PTPRD: variants seen among roughly 807,000 people sequenced by gnomAD.
The protein encoded by PTPRD is receptor-type tyrosine-protein phosphatase delta.
In PTPRD, 34 loss-of-function variants were observed where a neutral mutation model predicts 214.5. The ratio of observed to expected loss-of-function variants is 0.16; its 90% CI spans 0.12 to 0.21. The LOEUF (loss-of-function observed/expected upper bound fraction) is 0.21. Among genes scored for constraint, PTPRD ranks in the 10% least tolerant of loss-of-function variants. The pLI is 1.00. For synonymous variants in PTPRD, 1,128 were observed against 845.7 expected (o/e 1.33, Z -5.79); for missense variants, 2,545 against 2,398.7 (o/e 1.06, Z -1.27).
chr9:10,081,382 A>G lies in PTPRD; in HGVS notation c.-544-47592T>C, dbSNP rs562237471. Among the ~76,000 whole-genome samples, 6 of 152,120 alleles carry G rather than the reference A, an allele frequency of 3.9e-5. No individual in the cohort carries two copies. The South Asian group carries it at 1.0e-3, about 26-fold the overall frequency. ...GGACTGAACGCTTGTATCCCCTCCAATTTTGTATGTTGATATCCTAACCCC... is the reference window on the plus strand; with the variant it reads ...GGACTGAACGCTTGTATCCCCTCCAGTTTTGTATGTTGATATCCTAACCCC... On this transcript the variant is annotated intron_variant, in intron 3 of 45. Transcript: ENST00000381196.
At chr9:10,515,642 TAC>T (rs1359841151) in intron 2 of PTPRD, among the ~76,000 whole-genome samples, 1 of 151,998 alleles carries the variant, frequency 6.6e-6, no homozygotes, top group Non-Finnish European at 1.5e-5. Context: ...AAAAGTACAA[TAC>T]AGTCTTGTTA....
At chr9:8,486,525 C>T in intron 27 of PTPRD, 176 bp from the exon 28 acceptor site, 1 of 726,300 alleles carries the variant, frequency 1.4e-6, no homozygotes, top group Admixed American at 1.9e-5. Context: ...CCTTGTCTTA[C>T]TTTATTAAAG....
chr9:9,502,310 G>A (rs926354275), intron 8 of PTPRD, among the ~76,000 whole-genome samples: 1 of 151,692 alleles, frequency 6.6e-6, no homozygotes, highest in East Asian at 1.9e-4. Flanking sequence ...ACCATTATAC[G>A]CTCTGCTGCT....
chr9:8,672,067 T>C (rs939572125), intron 12 of PTPRD, among the ~76,000 whole-genome samples: 2 of 152,196 alleles, frequency 1.3e-5, no homozygotes, highest in African/African-American at 2.4e-5. Flanking sequence ...TATCTCCTCA[T>C]ACATGTGTTA....
Position 8,632,783 on chromosome 9 carries a change from C to G in PTPRD, c.352+534G>C, listed in dbSNP as rs150191123. On this transcript the variant is annotated intron_variant, in intron 14 of 45. Coordinates refer to ENST00000381196, the MANE Select transcript of PTPRD (RefSeq NM_002839.4). ...GATTTGTCAGCCCAGTTATTTAGATCAATACATATTGGTTTAAGAAAGATA... is the reference window on the plus strand; with the variant it reads ...GATTTGTCAGCCCAGTTATTTAGATGAATACATATTGGTTTAAGAAAGATA... Among the ~76,000 whole-genome samples the G allele has an allele frequency of 9.0e-4, 137 of 152,040 alleles. 1 individual carries two copies. The highest frequency in any genetic ancestry group is 3.3e-3 in the African/African-American group (136 of 41,518).
chr9:10,309,077 G>A (rs944644811), intron 3 of PTPRD, among the ~76,000 whole-genome samples: 3 of 151,928 alleles, frequency 2.0e-5, no homozygotes, highest in African/African-American at 4.8e-5. Flanking sequence ...CCTATCAAGA[G>A]TATATATGGG....
intron 2 of PTPRD, among the ~76,000 whole-genome samples, chr9:10,474,160 TA>T (rs2099048178): frequency 6.6e-6 from 1 of 152,076 alleles, no homozygotes; most frequent in Non-Finnish European, 1.5e-5. Flanking sequence ...GTAAATGGGC[TA>T]AATGCCCAAT....
At chr9:9,030,418 C>T (rs1261709647) in intron 10 of PTPRD, among the ~76,000 whole-genome samples, 1 of 150,684 alleles carries the variant, frequency 6.6e-6, no homozygotes, top group Non-Finnish European at 1.5e-5. Context: ...TACCTGCGTC[C>T]TCAATCAACA....
rs184953870 is a variant in PTPRD at position 9,951,547 on chromosome 9, A to G, written c.-471-12937T>C. On this transcript the variant is annotated intron_variant, in intron 4 of 45. Transcript: ENST00000381196. ...TTCTGAATCCTCCTGGCTGTTAAAA[A>G]CAGCACCCCCCAATGTTTCTGAGTA... 2.6e-5 allele frequency among the ~76,000 whole-genome samples: 4 copies of G among 152,298 alleles called. No homozygotes were observed. In the East Asian group the frequency reaches 7.7e-4, roughly 29 times the overall value.
At chr9:9,373,404 G>T (rs775729089) in intron 9 of PTPRD, among the ~76,000 whole-genome samples, 1 of 152,074 alleles carries the variant, frequency 6.6e-6, no homozygotes, top group Admixed American at 6.6e-5. Context: ...TAGTGCTGCT[G>T]TAACAAATCG....
intron 14 of PTPRD, among the ~76,000 whole-genome samples, chr9:8,562,464 T>A (rs1327564105): frequency 6.6e-6 from 1 of 152,020 alleles, no homozygotes; most frequent in Non-Finnish European, 1.5e-5. Context: ...TGAGACAAGG[T>A]CTCATTTTGT....
chr9:9,699,420 C>A (rs1448082907), intron 7 of PTPRD, among the ~76,000 whole-genome samples: 1 of 151,710 alleles, frequency 6.6e-6, no homozygotes, highest in African/African-American at 2.4e-5. Flanking sequence ...TTTTTTGTCC[C>A]CCTTAGGAAT....
intron 39 of PTPRD, among the ~76,000 whole-genome samples, chr9:8,350,747 T>C (rs980340992): frequency 1.3e-5 from 2 of 150,920 alleles, no homozygotes; most frequent in African/African-American, 4.8e-5. Flanking sequence ...TTTGACAAAA[T>C]ATTCAGCTGT....
At chr9:8,433,306 G>A (rs2095178976) in intron 35 of PTPRD, among the ~76,000 whole-genome samples, 1 of 152,004 alleles carries the variant, frequency 6.6e-6, no homozygotes, top group Non-Finnish European at 1.5e-5. Flanking sequence ...CATACAATTA[G>A]GTACAGTACA....
rs1021205638 is a variant in PTPRD, at chr9:10,412,430, C to T, written c.-599-71413G>A. ...AACTGAATCAGTAATAAGTAGCCTG[C>T]CAACCAAAAAAAAAGCTTAGGACCA... On this transcript the variant is annotated intron_variant, in intron 2 of 45. Transcript: ENST00000381196. Among the ~76,000 whole-genome samples, 7 of 151,284 alleles carry T rather than the reference C, an allele frequency of 4.6e-5. No homozygotes were observed. In the South Asian group the frequency reaches 6.2e-4, roughly 13 times the overall value.
chr9:10,424,530 G>A (rs2098594271), intron 2 of PTPRD, among the ~76,000 whole-genome samples: 2 of 151,786 alleles, frequency 1.3e-5, no homozygotes. Flanking sequence ...AGTCAGACAG[G>A]GGAAAGTATC....
At position 9,416,330 on chromosome 9, in the gene PTPRD, T is replaced by G. The variant is rs531830536; in HGVS notation, c.-236-18848A>C. The stretch of plus-strand genomic sequence containing the variant: ...GTTATGAGTGGGTAAGTCTTGATTT[T>G]GAAATAAGACAGAATGTGATTTGAG... On this transcript the variant is annotated intron_variant, in intron 8 of 45. Transcript: ENST00000381196. Among the ~76,000 whole-genome samples the G allele has an allele frequency of 1.3e-3, 202 of 152,334 alleles. 1 individual carries two copies. Among genetic ancestry groups the G allele is most frequent in the African/African-American group, 4.4e-3 (183 of 41,570 alleles).
At chr9:10,173,930 C>T (rs895358201) in intron 3 of PTPRD, among the ~76,000 whole-genome samples, 6 of 152,006 alleles carry the variant, frequency 3.9e-5, no homozygotes, top group African/African-American at 1.5e-4. Context: ...GTTGGTCATA[C>T]TTATGTACTG....
chr9:8,733,535 AAAAT>A (rs1411320995), intron 12 of PTPRD, among the ~76,000 whole-genome samples: 4 of 152,334 alleles, frequency 2.6e-5, no homozygotes, highest in Admixed American at 1.3e-4. Flanking sequence ...GAGGTATAAA[AAAAT>A]AAATAAACAG....
Sources: gnomAD v4.1 joint callset for allele counts (sites outside exome capture counted in the v4.1 genomes callset) on GRCh38, gnomAD v4.1.1 for gene constraint, MANE v1.5 for transcripts, NCBI Gene and HGNC (gene_info 2026-07-23, HGNC 2026-07-21) for gene names.